ZNF541: variants seen among roughly 807,000 people sequenced by gnomAD.
The protein encoded by ZNF541 is zinc finger protein 541.
A neutral mutation model predicts 123.5 loss-of-function variants in ZNF541; 23 were observed. The ratio of observed to expected loss-of-function variants is 0.19; its 90% confidence interval spans 0.13 to 0.26. ZNF541 has a LOEUF of 0.26. Ranked by LOEUF, ZNF541 falls within the 10% of genes least tolerant of loss-of-function variation. ZNF541 has a pLI of 1.00. For synonymous variants in ZNF541, 751 were observed against 754.5 expected, an observed-to-expected ratio of 1.00 and a Z score of 0.08; for missense variants, 1,612 against 1,789.9, an observed-to-expected ratio of 0.90 and a Z score of 1.79.
Position 47,538,421 on chromosome 19 carries a change from C to G in ZNF541, c.2815G>C (p.Glu939Gln). 6.6e-7 allele frequency: 1 copy of G among 1,524,108 alleles called. No individual in the cohort carries two copies. Among genetic ancestry groups the G allele is most frequent in the Non-Finnish European group, 8.8e-7 (1 of 1,133,700 alleles). The allele number at this position is 1,524,108 out of a possible 1,614,324, so 94.4% of individuals were successfully genotyped here. The stretch of plus-strand genomic sequence containing the variant: ...CTGCTCTCCTTGCTGTCTCGCTCCT[C>G]CCCGTCTTTCTCTTGTCCCTGAAGA... ...SMAMGQEKDGEERDSKESSQQ... is the reference protein window; with the variant it reads ...SMAMGQEKDGQERDSKESSQQ... The change falls in exon 9 of 17, where the codon GAG (glutamate) becomes CAG (glutamine). Residue 939 changes from glutamate (E) to glutamine (Q), a missense_variant. Glu to Gln is a conservative substitution (Grantham distance 29). Coordinates refer to ENST00000391901, the MANE Select transcript of ZNF541 (RefSeq NM_001277075.3).
intron 14 of ZNF541, among the ~76,000 whole-genome samples, chr19:47,526,093 T>C (rs1969281801): frequency 6.6e-6 from 1 of 152,034 alleles, no homozygotes; most frequent in African/African-American, 2.4e-5. Context: ...GTTAAGAGAT[T>C]AAAAAGCTAC....
chr19:47,570,684 A>C (rs1230243072), intron 2 of ZNF541, among the ~76,000 whole-genome samples: 1 of 151,692 alleles, frequency 6.6e-6, no homozygotes, highest in Non-Finnish European at 1.5e-5. Flanking sequence ...AAAGTTGATT[A>C]GTTTAAACTT....
At chr19:47,539,548 C>T (rs1002685007) in intron 8 of ZNF541, among the ~76,000 whole-genome samples, 157 bp downstream of exon 8, 2 of 152,086 alleles carry the variant, frequency 1.3e-5, no homozygotes, top group Admixed American at 6.6e-5. Flanking sequence ...GCAATCCACC[C>T]GCCTCAGCCT....
chr19:47,554,102 C>T (rs946202527), intron 3 of ZNF541, among the ~76,000 whole-genome samples: 3 of 152,144 alleles, frequency 2.0e-5, no homozygotes, highest in Non-Finnish European at 4.4e-5. Flanking sequence ...ATTATCTCTG[C>T]AAGACTATGT....
intron 2 of ZNF541, among the ~76,000 whole-genome samples, chr19:47,561,437 C>CA (rs796994800): frequency 9.2e-5 from 14 of 151,498 alleles, no homozygotes; most frequent in African/African-American, 3.4e-4. Context: ...TACCCTGTCT[C>CA]AAAATAATTA....
At chr19:47,552,702 C>G (rs1166583168) in intron 3 of ZNF541, among the ~76,000 whole-genome samples, 1 of 113,730 alleles carries the variant, frequency 8.8e-6, no homozygotes, top group African/African-American at 3.3e-5. Context: ...GAGATCGCAC[C>G]ACTGCACTCT....
At chr19:47,555,487 C>G (rs1970779769) in intron 3 of ZNF541, 63 bp downstream of exon 3, 1 of 1,457,940 alleles carries the variant, frequency 6.9e-7, no homozygotes, top group Non-Finnish European at 9.1e-7. Flanking sequence ...GAATCAGTCC[C>G]TAGCTGGCCA....
intron 13 of ZNF541, among the ~76,000 whole-genome samples, 195 bp from the exon 14 acceptor site, chr19:47,529,233 G>A (rs556252909): frequency 6.6e-6 from 1 of 152,288 alleles, no homozygotes; most frequent in East Asian, 1.9e-4. Flanking sequence ...GGCAACTGAG[G>A]CTTCAGTCGC....
intron 12 of ZNF541, among the ~76,000 whole-genome samples, 161 bp downstream of exon 12, chr19:47,531,481 C>T (rs576387818): frequency 5.5e-4 from 83 of 152,058 alleles, no homozygotes; most frequent in Non-Finnish European, 1.0e-3. Flanking sequence ...CCCTACAGTC[C>T]GTGCACAAGG....
At chr19:47,528,853 G>A in intron 14 of ZNF541, 97 bp downstream of exon 14, 2 of 888,470 alleles carry the variant, frequency 2.3e-6, no homozygotes, top group South Asian at 1.5e-5. Context: ...ACAGGCAGGT[G>A]AGGGTGGGGC....
In ZNF541 at chr19:47,549,297, T is replaced by C; in HGVS notation, c.496A>G (p.Arg166Gly). Residue 166 changes from arginine to glycine, a missense_variant, in exon 4 of 17, where the codon AGG becomes GGG. Coordinates refer to ENST00000391901, the MANE Select transcript of ZNF541 (RefSeq NM_001277075.3). ...CTGCAGATTTTGCAGACGTGCTTCC[T>C]TTCCTGGCTGTGTGTCAGGTAGTGC... ...SKHYLTHSQE[R>G]KHVCKICSKA... The C allele has an allele frequency of 6.4e-7, 1 of 1,551,936 alleles. No homozygotes were observed. The highest frequency in any genetic ancestry group is 8.7e-7 in the Non-Finnish European group (1 of 1,147,048).
rs1424025971 is a variant in ZNF541, at chr19:47,545,062, G to A, written c.1467C>T (p.Pro489=). The part of the protein sequence containing the change: ...LRVPAEAPSD[P]RSASGEDDPC... ...GGTCATCTTCCCCGCTGGCCGACCT[G>A]GGGTCGCTCGGGGCCTCCGCGGGGA... is the stretch of plus-strand genomic sequence containing the variant. The change falls in exon 5 of 17, where the codon CCC becomes CCT. Residue 489 remains proline (P), a synonymous_variant. Transcript: ENST00000391901. The surrounding 1 kb of genome is among the most constrained non-coding windows in gnomAD (Gnocchi z 7.5). 1 of 1,478,090 alleles carries A rather than the reference G, an allele frequency of 6.8e-7. No homozygotes were observed. The highest frequency in any genetic ancestry group is 1.3e-5 in the South Asian group (1 of 76,004). The allele number at this position is 1,478,090 out of a possible 1,614,324, so 91.6% of individuals were successfully genotyped here.
At chr19:47,553,646 CG>C (rs1303192131) in intron 3 of ZNF541, among the ~76,000 whole-genome samples, 2 of 152,026 alleles carry the variant, frequency 1.3e-5, no homozygotes, top group African/African-American at 4.8e-5. Context: ...CCTCATGATC[CG>C]CCTGCCTCGG....
intron 12 of ZNF541, among the ~76,000 whole-genome samples, chr19:47,530,648 CT>C (rs889229193): frequency 2.6e-5 from 4 of 151,212 alleles, no homozygotes; most frequent in African/African-American, 7.3e-5. Context: ...AATTTCTTTT[CT>C]TTTTTTTTCT....
chr19:47,554,335 G>A (rs1970725956), intron 3 of ZNF541, among the ~76,000 whole-genome samples: 1 of 152,176 alleles, frequency 6.6e-6, no homozygotes, highest in Non-Finnish European at 1.5e-5. Flanking sequence ...GGAGGCTGAG[G>A]CGGGAGAATC....
intron 5 of ZNF541, 139 bp downstream of exon 5, chr19:47,543,987 A>G (rs955986693): frequency 2.4e-5 from 29 of 1,195,732 alleles, no homozygotes; most frequent in Non-Finnish European, 3.3e-5. Context: ...GAAAACCACA[A>G]TCTTTCGGAA....
Position 47,540,198 on chromosome 19 carries a change from G to A in ZNF541, c.2600C>T (p.Pro867Leu), listed in dbSNP as rs757900127. ...CACCTGCGGTTCCTGCTTCCCTCGA[G>A]GTGACGGCCACTGGTCGCTGTGAAA... ...MCFHSDQWPS[P>L]RGKQEPQVFG... Residue 867 changes from proline to leucine, a missense_variant, in exon 7 of 17, where the codon CCT (proline) becomes CTT (leucine). This residue lies in a region of ZNF541 where 1,080 missense variants were observed against 1,013.8 expected (regional missense o/e 1.07). Coordinates refer to ENST00000391901, the MANE Select transcript of ZNF541 (RefSeq NM_001277075.3). 19 of 1,551,226 alleles carry A rather than the reference G, an allele frequency of 1.2e-5. No homozygotes were observed. In the African/African-American group the frequency reaches 2.1e-4, roughly 17 times the overall value.
At chr19:47,532,307 A>G in intron 10 of ZNF541, 37 bp from the exon 11 acceptor site, 1 of 1,547,752 alleles carries the variant, frequency 6.5e-7, no homozygotes, top group African/African-American at 1.4e-5. Context: ...GGAGACGTAC[A>G]AACATGACTG....
At chr19:47,540,769 G>A in intron 6 of ZNF541, 124 bp downstream of exon 6, 1 of 943,366 alleles carries the variant, frequency 1.1e-6, no homozygotes, top group Non-Finnish European at 1.6e-6. Flanking sequence ...CTATAAAATG[G>A]AGGCTGTACC....
Sources: allele counts gnomAD v4.1 joint callset (sites outside exome capture counted in the v4.1 genomes callset), GRCh38; gene constraint gnomAD v4.1.1; regional missense constraint gnomAD v4.1.1; non-coding constraint Gnocchi (gnomAD v3.1); transcripts MANE v1.5; gene names NCBI Gene and HGNC (gene_info 2026-07-23, HGNC 2026-07-21).